Variants in NUP210 observed in about 807,000 individuals in gnomAD.
NUP210 encodes the protein nucleoporin 210, also known as nuclear pore membrane glycoprotein 210.
In NUP210, 151 loss-of-function variants were observed where a neutral mutation model predicts 196.0. The observed-to-expected ratio is 0.77, with a 90% CI of 0.67 to 0.88. NUP210 has a LOEUF of 0.88. Among genes scored for constraint, NUP210 ranks in the 40% least tolerant of loss-of-function variants. NUP210 has a pLI of 0.00. For missense variants in NUP210, 2,314 were observed against 2,493.7 expected, an observed-to-expected ratio of 0.93 and a Z score of 1.53; for synonymous variants, 1,070 against 1,052.7, an observed-to-expected ratio of 1.02 and a Z score of -0.32.
chr3:13,412,694 A>G (rs1258066942), intron 1 of NUP210, among the ~76,000 whole-genome samples: 2 of 151,868 alleles, frequency 1.3e-5, no homozygotes, highest in Non-Finnish European at 2.9e-5. Context: ...AGCCCAGGCA[A>G]TACAGCAAGA....
chr3:13,351,956 A>G lies in NUP210; in HGVS notation c.2758T>C (p.Ser920Pro). Residue 920 changes from serine (S) to proline (P), a missense_variant, in exon 20 of 40, where the codon TCA becomes CCA. Transcript: ENST00000254508. ...IQAELRIREG[S>P]GYFFLNTSTA... ...CTGGTGTTGAGGAAGAAGTAACCTGAGCCTTCCCTGATGCGGAGCTCTGCC... is the reference window on the plus strand; with the variant it reads ...CTGGTGTTGAGGAAGAAGTAACCTGGGCCTTCCCTGATGCGGAGCTCTGCC... 1 of 1,612,276 alleles carries G rather than the reference A, an allele frequency of 6.2e-7. No homozygotes were observed. Among genetic ancestry groups the G allele is most frequent in the Non-Finnish European group, 8.5e-7 (1 of 1,178,712 alleles).
At chr3:13,342,950 C>T (rs1434500195) in intron 21 of NUP210, among the ~76,000 whole-genome samples, 1 of 152,222 alleles carries the variant, frequency 6.6e-6, no homozygotes, top group Non-Finnish European at 1.5e-5. Flanking sequence ...TACTGCCAAG[C>T]CTCATGGGTA....
In NUP210 at chr3:13,342,067, C is replaced by T. The variant is rs1697529237; in HGVS notation, c.3021G>A (p.Lys1007=). The change falls in exon 22 of 40, where the codon AAG becomes AAA. Residue 1007 remains lysine, a synonymous_variant. Coordinates refer to ENST00000254508, the MANE Select transcript of NUP210 (RefSeq NM_024923.4). Reference sequence around the variant, plus strand: ...AGGGGAAGTATTTGGCAAGGAAGGGCTTCTTGTGCAAGTCCAGCACGCGGA... The same window carrying T: ...AGGGGAAGTATTTGGCAAGGAAGGGTTTCTTGTGCAAGTCCAGCACGCGGA... ...AYVRVLDLHK[K]PFLAKYFPFM... is the part of the protein sequence containing the mutation. The T allele has an allele frequency of 2.5e-6, 4 of 1,614,204 alleles. No homozygotes were observed. The highest frequency in any genetic ancestry group is 1.3e-5 in the African/African-American group (1 of 75,058).
At chr3:13,371,540 G>A (rs1411371511) in intron 13 of NUP210, among the ~76,000 whole-genome samples, 1 of 152,200 alleles carries the variant, frequency 6.6e-6, no homozygotes, top group Admixed American at 6.5e-5. Flanking sequence ...AATACCAACT[G>A]CATTCCAGGG....
intron 20 of NUP210, among the ~76,000 whole-genome samples, chr3:13,345,670 G>A (rs961457326): frequency 2.0e-5 from 3 of 152,176 alleles, no homozygotes; most frequent in Non-Finnish European, 2.9e-5. Context: ...TAAAGATCCC[G>A]GAGTGGACAT....
Position 13,323,969 on chromosome 3 carries a change from G to GC in NUP210, c.4645-538dup, listed in dbSNP as rs1477312610. ...CCAAGGCCACTTCCTGCAGCTGAAG[G>GC]CCCCCCTCCCTCTCTCAGCAGGCAC... On this transcript the variant is annotated intron_variant, in intron 33 of 39. Coordinates refer to ENST00000254508, the MANE Select transcript of NUP210 (RefSeq NM_024923.4). The surrounding 1 kb of genome is among the most constrained non-coding windows in gnomAD (Gnocchi z 4.3). Among the ~76,000 whole-genome samples the GC allele has an allele frequency of 3.9e-5, 6 of 152,162 alleles. No homozygotes were observed. Among genetic ancestry groups the GC allele is most frequent in the African/African-American group, 7.2e-5 (3 of 41,530 alleles).
chr3:13,317,839 C>T, intron 39 of NUP210, 58 bp from the exon 40 acceptor site: 1 of 1,214,048 alleles, frequency 8.2e-7, no homozygotes, highest in South Asian at 1.4e-5. Context: ...GCGCACTCTT[C>T]AGTTACAGCC....
At chr3:13,374,187 T>C (rs1698824702) in intron 11 of NUP210, among the ~76,000 whole-genome samples, 1 of 152,054 alleles carries the variant, frequency 6.6e-6, no homozygotes, top group Non-Finnish European at 1.5e-5. Context: ...ACACCCACAG[T>C]GCACACTCAT....
chr3:13,388,505 T>C, intron 4 of NUP210, 52 bp from the exon 5 acceptor site: 1 of 1,544,184 alleles, frequency 6.5e-7, no homozygotes, highest in Non-Finnish European at 8.7e-7. Flanking sequence ...CAACACAAGA[T>C]TTGTCAGAAT....
intron 1 of NUP210, among the ~76,000 whole-genome samples, chr3:13,412,192 C>A (rs1319452062): frequency 6.6e-6 from 1 of 150,802 alleles, no homozygotes; most frequent in African/African-American, 2.4e-5. Context: ...TAGCTGGGAC[C>A]ACAGGTGCCT....
intron 33 of NUP210, among the ~76,000 whole-genome samples, chr3:13,325,059 C>G (rs1489231050): frequency 1.3e-5 from 2 of 152,226 alleles, no homozygotes; most frequent in African/African-American, 4.8e-5. Flanking sequence ...CTGCACCAAA[C>G]TGCCTGGAAT....
chr3:13,338,418 GC>G (rs970884513), intron 25 of NUP210, among the ~76,000 whole-genome samples: 3 of 152,156 alleles, frequency 2.0e-5, no homozygotes, highest in African/African-American at 7.2e-5. Context: ...AACTCTCCTG[GC>G]TTCTTCCTAG....
intron 13 of NUP210, among the ~76,000 whole-genome samples, chr3:13,366,835 T>C (rs1275414333): frequency 6.6e-6 from 1 of 151,550 alleles, no homozygotes; most frequent in East Asian, 2.0e-4. Flanking sequence ...TAAAAAAATA[T>C]TTAATTCAGC....
intron 1 of NUP210, among the ~76,000 whole-genome samples, chr3:13,414,192 G>A (rs954810383): frequency 2.6e-5 from 4 of 152,236 alleles, no homozygotes; most frequent in African/African-American, 9.6e-5. Flanking sequence ...TGAGGGTGGT[G>A]GATGACACAC....
chr3:13,361,367 T>A (rs1279364122), intron 14 of NUP210, among the ~76,000 whole-genome samples: 1 of 152,170 alleles, frequency 6.6e-6, no homozygotes. Context: ...AAGCTCTCAT[T>A]TCCTCCATGG....
chr3:13,413,519 A>T (rs1023642054), intron 1 of NUP210, among the ~76,000 whole-genome samples: 1 of 152,172 alleles, frequency 6.6e-6, no homozygotes, highest in East Asian at 1.9e-4. Flanking sequence ...ACTAGTGTAA[A>T]TAAGAATATC....
At position 13,379,059 on chromosome 3, in the gene NUP210, C is replaced by G. The variant is rs1699017493; in HGVS notation, c.977-79G>C. ...GGCCAGTTTCAGCTTGGCTCAGAAT[C>G]CTGATCATCAAGACATCACATGGAG... On this transcript the variant is annotated intron_variant, in intron 7 of 39. Coordinates refer to ENST00000254508, the MANE Select transcript of NUP210 (RefSeq NM_024923.4). The surrounding 1 kb of genome is among the most constrained non-coding windows in gnomAD (Gnocchi z 4.2). 8.4e-7 allele frequency: 1 copy of G among 1,192,020 alleles called. No individual in the cohort carries two copies. Among genetic ancestry groups the G allele is most frequent in the South Asian group, 1.2e-5 (1 of 82,204 alleles). The allele number at this position is 1,192,020 out of a possible 1,614,324, so 73.8% of individuals were successfully genotyped here. A position where few individuals can be genotyped will look rare whatever the true frequency, so the allele number is the denominator to read the frequency against.
At chr3:13,412,146 T>C (rs955258346) in intron 1 of NUP210, among the ~76,000 whole-genome samples, 3 of 151,338 alleles carry the variant, frequency 2.0e-5, no homozygotes, top group African/African-American at 4.9e-5. Context: ...CTTGACCTTC[T>C]GGGTTTAAGC....
At position 13,347,331 on chromosome 3, in the gene NUP210, C is replaced by G; in HGVS notation, c.2836-4028G>C. 1 of 985,286 alleles carries G rather than the reference C, an allele frequency of 1.0e-6. No homozygotes were observed. The allele number at this position is 985,286 out of a possible 1,614,324, so 61.0% of individuals were successfully genotyped here. On this transcript the variant is annotated intron_variant, in intron 20 of 39. Coordinates refer to ENST00000254508, the MANE Select transcript of NUP210 (RefSeq NM_024923.4). The surrounding 1 kb of genome is among the most constrained non-coding windows in gnomAD (Gnocchi z 4.7). ...ATGTAAAGTGCCCAGCAGGCTCCTT[C>G]CCCTGCTCTGGTCATCTCATGGGTT...
Sources: gnomAD v4.1 joint callset for allele counts (sites outside exome capture counted in the v4.1 genomes callset) on GRCh38, gnomAD v4.1.1 for gene constraint, Gnocchi (gnomAD v3.1) non-coding constraint, MANE v1.5 for transcripts, NCBI Gene and HGNC (gene_info 2026-07-23, HGNC 2026-07-21) for gene names.